ZNF385D: variants seen among roughly 807,000 people sequenced by gnomAD.
The protein encoded by ZNF385D is zinc finger protein 659.
Under a neutral mutation model 35.8 loss-of-function variants are expected in ZNF385D, and 15 were observed. The observed-to-expected ratio is 0.42, with a 90% confidence interval of 0.28 to 0.64. The LOEUF (loss-of-function observed/expected upper bound fraction) is 0.64, where lower values mean the gene tolerates loss of function less well. Among genes scored for constraint, ZNF385D ranks in the 30% least tolerant of loss-of-function variants. ZNF385D has a pLI of 0.23. For missense variants in ZNF385D, 474 were observed against 494.6 expected, an observed-to-expected ratio of 0.96 and a Z score of 0.39; for synonymous variants, 212 against 186.8, an observed-to-expected ratio of 1.13 and a Z score of -1.10.
rs1700725162 is a variant in ZNF385D, at chr3:21,421,302, T to C, written c.1100A>G (p.Gln367Arg). 8.1e-6 allele frequency: 13 copies of C among 1,614,100 alleles called. No homozygotes were observed. The highest frequency in any genetic ancestry group is 1.6e-4 in the Middle Eastern group (1 of 6,062). ...GAGTGCCGGAGGAAGCGCGGAAGTC[T>C]GGAACAGTGTTGCTGCTGGAGCAGT... ...LRTAPAATLFQTSALPPALLR... is the reference protein window; with the variant it reads ...LRTAPAATLFRTSALPPALLR... The change falls in exon 8 of 8, where the codon CAG (glutamine) becomes CGG (arginine). Residue 367 changes from glutamine (Q) to arginine (R), a missense_variant. By Grantham distance (43) the Gln-to-Arg change is conservative (BLOSUM62 1). Coordinates refer to ENST00000281523, the MANE Select transcript of ZNF385D (RefSeq NM_024697.3).
chr3:21,782,223 GGAA>G (rs760525710), intron 3 of ZNF385D, among the ~76,000 whole-genome samples: 3 of 152,188 alleles, frequency 2.0e-5, no homozygotes, highest in Non-Finnish European at 4.4e-5. Flanking sequence ...GCCCCAGCAA[GGAA>G]GAAGACAGCT....
intron 3 of ZNF385D, among the ~76,000 whole-genome samples, chr3:22,148,107 G>A (rs1236938422): frequency 1.3e-5 from 2 of 152,104 alleles, no homozygotes; most frequent in Non-Finnish European, 2.9e-5. Flanking sequence ...AATTCCAGTT[G>A]TGTAAAATTT....
At chr3:22,246,396 C>T (rs1011713349) in intron 2 of ZNF385D, among the ~76,000 whole-genome samples, 6 of 152,108 alleles carry the variant, frequency 3.9e-5, no homozygotes, top group South Asian at 2.1e-4. Flanking sequence ...CCTTACTCAA[C>T]ATCAGCAAAT....
At chr3:21,719,023 G>T (rs1559549185) in intron 1 of ZNF385D, among the ~76,000 whole-genome samples, 1 of 152,162 alleles carries the variant, frequency 6.6e-6, no homozygotes, top group Non-Finnish European at 1.5e-5. Context: ...CAGTGCCCAA[G>T]ATATGCTAAT....
intron 3 of ZNF385D, among the ~76,000 whole-genome samples, chr3:22,005,495 C>T (rs1430403084): frequency 1.3e-5 from 2 of 151,848 alleles, no homozygotes; most frequent in African/African-American, 4.8e-5. Flanking sequence ...AGAAAAGATT[C>T]GAAATATTTT....
intron 2 of ZNF385D, among the ~76,000 whole-genome samples, chr3:22,344,079 T>C (rs879761372): frequency 2.0e-5 from 3 of 152,068 alleles, no homozygotes; most frequent in Non-Finnish European, 4.4e-5. Flanking sequence ...TAATTGCATA[T>C]ATTGTATATC....
At chr3:21,823,428 G>T (rs1694400898) in intron 3 of ZNF385D, among the ~76,000 whole-genome samples, 1 of 133,710 alleles carries the variant, frequency 7.5e-6, no homozygotes, top group South Asian at 2.2e-4. Flanking sequence ...ATGCCTGTAA[G>T]CCCCCCAAAC....
chr3:21,889,929 T>C (rs1012666164), intron 3 of ZNF385D, among the ~76,000 whole-genome samples: 1 of 152,064 alleles, frequency 6.6e-6, no homozygotes, highest in East Asian at 1.9e-4. Flanking sequence ...AATCTTCACA[T>C]AGCATCTCTG....
chr3:21,680,270 A>G (rs1190694677), intron 1 of ZNF385D, among the ~76,000 whole-genome samples: 5 of 152,166 alleles, frequency 3.3e-5, no homozygotes, highest in Admixed American at 1.3e-4. Context: ...GTAAATTTCA[A>G]TAAAAGTAAA....
At chr3:22,129,602 A>G (rs988430167) in intron 3 of ZNF385D, among the ~76,000 whole-genome samples, 11 of 152,130 alleles carry the variant, frequency 7.2e-5, no homozygotes, top group African/African-American at 2.7e-4. Context: ...GCCCACGGCC[A>G]TAACTGACCC....
chr3:22,125,070 A>T (rs1372337517), intron 3 of ZNF385D, among the ~76,000 whole-genome samples: 1 of 152,126 alleles, frequency 6.6e-6, no homozygotes, highest in Non-Finnish European at 1.5e-5. Flanking sequence ...TTAAGCCTAT[A>T]ATCGACTTTA....
chr3:21,629,973 C>A lies in ZNF385D; in HGVS notation c.165+34913G>T, dbSNP rs188644872. ...ATATTCACTGTATTTATAATAATTT[C>A]TCTGGGAGCACCTATGGAGAAAGTG... is the stretch of plus-strand genomic sequence containing the variant. On this transcript the variant is annotated intron_variant, in intron 2 of 7. Transcript: ENST00000281523. Among the ~76,000 whole-genome samples the A allele has an allele frequency of 4.6e-4, 70 of 151,610 alleles. 2 individuals are homozygous for A. In the East Asian group the frequency reaches 0.013, roughly 27 times the overall value.
At chr3:22,015,248 TATA>T (rs1696813244) in intron 3 of ZNF385D, among the ~76,000 whole-genome samples, 2 of 152,316 alleles carry the variant, frequency 1.3e-5, no homozygotes, top group South Asian at 2.1e-4. Context: ...TTTATCAATT[TATA>T]ATGCCTTAAT....
chr3:22,156,796 C>A (rs1705620213), intron 3 of ZNF385D, among the ~76,000 whole-genome samples: 1 of 152,088 alleles, frequency 6.6e-6, no homozygotes, highest in Non-Finnish European at 1.5e-5. Flanking sequence ...ACCAGGGAAT[C>A]TGAATTTTCA....
At chr3:22,003,111 G>A (rs866314934) in intron 3 of ZNF385D, among the ~76,000 whole-genome samples, 1 of 152,082 alleles carries the variant, frequency 6.6e-6, no homozygotes, top group Non-Finnish European at 1.5e-5. Context: ...AAGGCATTCA[G>A]ATTGGAAAAG....
chr3:22,133,169 A>C (rs887382437), intron 3 of ZNF385D, among the ~76,000 whole-genome samples: 1 of 152,184 alleles, frequency 6.6e-6, no homozygotes, highest in African/African-American at 2.4e-5. Flanking sequence ...CCCTTCCTGG[A>C]GATATAAACA....
At chr3:22,162,521 G>C (rs1181201141) in intron 3 of ZNF385D, among the ~76,000 whole-genome samples, 1 of 152,112 alleles carries the variant, frequency 6.6e-6, no homozygotes, top group Non-Finnish European at 1.5e-5. Flanking sequence ...TATACTTTCT[G>C]AGGGCAGCTC....
intron 3 of ZNF385D, among the ~76,000 whole-genome samples, chr3:21,905,435 C>T (rs1207556896): frequency 6.6e-6 from 1 of 151,692 alleles, no homozygotes; most frequent in Non-Finnish European, 1.5e-5. Flanking sequence ...AGCTTGTCAG[C>T]ATCAGGCAAT....
At chr3:22,143,073 G>GTGTGTGTGTT (rs1396085669) in intron 3 of ZNF385D, among the ~76,000 whole-genome samples, 1 of 104,908 alleles carries the variant, frequency 9.5e-6, no homozygotes, top group East Asian at 5.1e-4. Flanking sequence ...GTGTGTGTGT[G>GTGTGTGTGTT]TGTGTGTGTG....
Sources: allele counts gnomAD v4.1 joint callset (sites outside exome capture counted in the v4.1 genomes callset), GRCh38; gene constraint gnomAD v4.1.1; transcripts MANE v1.5; gene names NCBI Gene and HGNC (gene_info 2026-07-23, HGNC 2026-07-21).